Variants in MTAP observed in about 807,000 individuals in gnomAD.
MTAP encodes the protein S-methyl-5'-thioadenosine phosphorylase.
MTAP carries 33 observed loss-of-function variants against 33.6 expected under a neutral mutation model. The observed-to-expected ratio is 0.98, with a 90% CI of 0.74 to 1.31. MTAP has a LOEUF of 1.31. MTAP is among the 40% of genes most tolerant of loss of function. The probability of loss-of-function intolerance (pLI) is 0.00; values close to 1 mark genes in which losing one functional copy is unlikely to be tolerated. For synonymous variants in MTAP, 148 were observed against 125.7 expected (o/e 1.18, Z -1.19); for missense variants, 367 against 360.0 (o/e 1.02, Z -0.16).
chr9:21,831,386 GAGTGC>G (rs1305291098), intron 4 of MTAP, among the ~76,000 whole-genome samples: 1 of 152,190 alleles, frequency 6.6e-6, no homozygotes, highest in Non-Finnish European at 1.5e-5. Flanking sequence ...GCCCGGGGTA[GAGTGC>G]AGTGGCCTGA....
intron 1 of MTAP, chr9:21,811,784 C>T (rs1824356567): frequency 2.5e-5 from 13 of 526,800 alleles, no homozygotes; most frequent in South Asian, 1.1e-4. Flanking sequence ...AGCTTTGCAC[C>T]GAAGTATACC....
At chr9:21,815,367 C>A in intron 1 of MTAP, 66 bp from the exon 2 acceptor site, 1 of 1,142,882 alleles carries the variant, frequency 8.7e-7, no homozygotes, top group Non-Finnish European at 1.3e-6. Context: ...AATGAATTTG[C>A]TTAGAATCTT....
In MTAP at chr9:21,862,278, C is replaced by T. The variant is rs1171818603; in HGVS notation, c.*264C>T. On this transcript the variant is annotated 3_prime_UTR_variant, in exon 8 of 8. Transcript: ENST00000644715. ...TTTTAAGGGGGAAAAAAAAACCCAC[C>T]ATTCTCTTCTCCCCCTATTAAATTT... The T allele has an allele frequency of 8.7e-6, 6 of 693,488 alleles. No homozygotes were observed. The highest frequency in any genetic ancestry group is 1.9e-5 in the African/African-American group (1 of 52,858). The allele number at this position is 693,488 out of a possible 1,614,324, so 43.0% of individuals were successfully genotyped here.
intron 1 of MTAP, among the ~76,000 whole-genome samples, chr9:21,898,946 T>C (rs1411278671): frequency 6.6e-6 from 1 of 152,038 alleles, no homozygotes; most frequent in African/African-American, 2.4e-5. Flanking sequence ...ATGTTTATTG[T>C]GGCACTATTC....
In MTAP at chr9:21,864,815, G is replaced by A. The variant is rs887022445; in HGVS notation, c.*2801G>A. On this transcript the variant is annotated 3_prime_UTR_variant, in exon 8 of 8. Transcript: ENST00000644715. ...TGCCCTGCAGGTGCCACGTGAGCCTGCTCTGGCATCCACAGGATGCTCCTG... is the reference window on the plus strand; with the variant it reads ...TGCCCTGCAGGTGCCACGTGAGCCTACTCTGGCATCCACAGGATGCTCCTG... 4.1e-6 allele frequency: 4 copies of A among 985,352 alleles called. No individual in the cohort carries two copies. The highest frequency in any genetic ancestry group is 1.1e-4 in the East Asian group (1 of 8,818). The allele number at this position is 985,352 out of a possible 1,614,324, so 61.0% of individuals were successfully genotyped here. A position where few individuals can be genotyped will look rare whatever the true frequency, so the allele number is the denominator to read the frequency against.
intron 1 of MTAP, among the ~76,000 whole-genome samples, chr9:21,920,960 A>AT (rs941095404): frequency 7.2e-5 from 11 of 151,798 alleles, no homozygotes; most frequent in South Asian, 2.1e-4. Flanking sequence ...CACTTCTCCC[A>AT]TTTTTTTTGG....
At position 21,816,732 on chromosome 9, in the gene MTAP, T is replaced by G. The variant is rs1824484963; in HGVS notation, c.139T>G (p.Leu47Val). The change falls in exon 3 of 8, where the codon TTG (leucine) becomes GTG (valine). Residue 47 changes from leucine to valine, a missense_variant. Coordinates refer to ENST00000644715, the MANE Select transcript of MTAP (RefSeq NM_002451.4). Reference sequence around the variant, plus strand: ...CATGCAGCCATCTGATGCCTTAATTTTGGGGAAGATAAAAAATGTTGATTG... The same window carrying G: ...CATGCAGCCATCTGATGCCTTAATTGTGGGGAAGATAAAAAATGTTGATTG... ...PFGKPSDALI[L>V]GKIKNVDCVL... 1 of 1,612,192 alleles carries G rather than the reference T, an allele frequency of 6.2e-7. No individual in the cohort carries two copies. The highest frequency in any genetic ancestry group is 8.5e-7 in the Non-Finnish European group (1 of 1,179,376).
At chr9:21,921,684 C>G (rs935347670) in intron 1 of MTAP, among the ~76,000 whole-genome samples, 1 of 152,180 alleles carries the variant, frequency 6.6e-6, no homozygotes, top group Non-Finnish European at 1.5e-5. Context: ...CTCTTAAAGA[C>G]TTCTGGCCAG....
At chr9:21,854,521 T>C (rs543602709) in intron 5 of MTAP, 110 bp from the exon 6 acceptor site, 1 of 1,397,482 alleles carries the variant, frequency 7.2e-7, no homozygotes, top group East Asian at 2.3e-5. Flanking sequence ...GCATTTATTA[T>C]AGTGACAAAT....
chr9:21,886,054 G>T (rs990082477), intron 1 of MTAP, among the ~76,000 whole-genome samples: 1 of 151,620 alleles, frequency 6.6e-6, no homozygotes, highest in Admixed American at 6.6e-5. Context: ...TTCCACAGTG[G>T]TTGTACTAGT....
intron 1 of MTAP, among the ~76,000 whole-genome samples, chr9:21,880,901 A>G (rs1417083298): frequency 3.9e-5 from 6 of 152,042 alleles, no homozygotes; most frequent in Admixed American, 3.9e-4. Flanking sequence ...GCAGAAACAT[A>G]AAAATTCACT....
At chr9:21,940,901 C>T (rs772968469), downstream of MTAP, 133 of 565,302 alleles carry the variant, frequency 2.4e-4, no homozygotes, top group Non-Finnish European at 2.9e-4. Flanking sequence ...TCTTTACTGC[C>T]TTTCTTCCCC....
At chr9:21,897,993 T>A (rs943832053) in intron 1 of MTAP, among the ~76,000 whole-genome samples, 10 of 152,278 alleles carry the variant, frequency 6.6e-5, no homozygotes, top group African/African-American at 2.2e-4. Context: ...ACTACAAGGC[T>A]ACAGTAACCA....
At chr9:21,905,466 T>C (rs1051181508) in intron 1 of MTAP, among the ~76,000 whole-genome samples, 3 of 152,062 alleles carry the variant, frequency 2.0e-5, no homozygotes, top group African/African-American at 7.2e-5. Context: ...TTAAATTAGT[T>C]ATGTTTCTCC....
intron 4 of MTAP, among the ~76,000 whole-genome samples, chr9:21,823,029 C>A (rs1055518152): frequency 6.6e-6 from 1 of 152,102 alleles, no homozygotes; most frequent in African/African-American, 2.4e-5. Context: ...TGTCTCTGCA[C>A]GTGAGTTGGG....
In MTAP at chr9:21,837,733, C is replaced by T. The variant is rs185850246; in HGVS notation, c.348-175C>T. ...TGCTGCCAGCCCAGAGCCAAAAAAGCGGAATACCACCCTGAAGCTTTTGTA... is the reference window on the plus strand; with the variant it reads ...TGCTGCCAGCCCAGAGCCAAAAAAGTGGAATACCACCCTGAAGCTTTTGTA... On this transcript the variant is annotated intron_variant, in intron 4 of 7. Coordinates refer to ENST00000644715, the MANE Select transcript of MTAP (RefSeq NM_002451.4). 2.2e-3 allele frequency among the ~76,000 whole-genome samples: 335 copies of T among 152,190 alleles called. 1 individual carries two copies. The highest frequency in any genetic ancestry group is 7.6e-3 in the African/African-American group (316 of 41,514).
At chr9:21,921,354 T>C (rs1222215506) in intron 1 of MTAP, among the ~76,000 whole-genome samples, 1 of 152,150 alleles carries the variant, frequency 6.6e-6, no homozygotes, top group Non-Finnish European at 1.5e-5. Context: ...AAAACCTTTT[T>C]GTTGATATTT....
At chr9:21,916,089 A>T (rs975445035) in intron 1 of MTAP, among the ~76,000 whole-genome samples, 1 of 146,972 alleles carries the variant, frequency 6.8e-6, no homozygotes, top group Non-Finnish European at 1.5e-5. Flanking sequence ...GAAAGGAAGG[A>T]AGGAAGGAAG....
intron 4 of MTAP, among the ~76,000 whole-genome samples, chr9:21,826,482 G>A (rs961929581): frequency 6.6e-6 from 1 of 151,782 alleles, no homozygotes; most frequent in South Asian, 2.1e-4. Flanking sequence ...AGTTCTGGTG[G>A]CCTGATCAGA....
Sources: allele counts gnomAD v4.1 joint callset (sites outside exome capture counted in the v4.1 genomes callset), GRCh38; gene constraint gnomAD v4.1.1; transcripts MANE v1.5; gene names NCBI Gene and HGNC (gene_info 2026-07-23, HGNC 2026-07-21).